Variants in LRRC40 observed in about 807,000 individuals in gnomAD.
The protein encoded by LRRC40 is leucine-rich repeat-containing protein 40.
LRRC40 carries 76 observed loss-of-function variants against 72.8 expected under a neutral mutation model. The ratio of observed to expected loss-of-function variants is 1.04; its 90% CI spans 0.87 to 1.26. The LOEUF (loss-of-function observed/expected upper bound fraction) is 1.26. LRRC40 is among the 50% of genes most tolerant of loss of function. The pLI is 0.00. For synonymous variants in LRRC40, 243 were observed against 254.2 expected, an observed-to-expected ratio of 0.96 and a Z score of 0.42; for missense variants, 684 against 698.9, an observed-to-expected ratio of 0.98 and a Z score of 0.24.
intron 12 of LRRC40, 123 bp from the exon 13 acceptor site, chr1:70,151,328 C>T: frequency 3.2e-6 from 2 of 618,278 alleles, no homozygotes; most frequent in Non-Finnish European, 5.8e-6. Flanking sequence ...CTTGATCTGA[C>T]TTTATAAAGG....
chr1:70,184,640 T>C, intron 4 of LRRC40, 145 bp downstream of exon 4: 1 of 754,784 alleles, frequency 1.3e-6, no homozygotes, highest in South Asian at 2.3e-5. Context: ...TTTAGCTATC[T>C]TATTGAAATG....
At chr1:70,148,446 A>G in intron 14 of LRRC40, 41 bp downstream of exon 14, 1 of 1,395,160 alleles carries the variant, frequency 7.2e-7, no homozygotes, top group Non-Finnish European at 9.7e-7. Context: ...TCAACAAATC[A>G]ATAAAATAAA....
chr1:70,156,612 G>T (rs1347637489), intron 10 of LRRC40, among the ~76,000 whole-genome samples: 2 of 152,268 alleles, frequency 1.3e-5, no homozygotes, highest in East Asian at 3.9e-4. Flanking sequence ...CCCCGGGGAT[G>T]CCAGAATCTT....
intron 1 of LRRC40, among the ~76,000 whole-genome samples, chr1:70,197,933 TG>T (rs769681636): frequency 1.1e-4 from 16 of 152,006 alleles, no homozygotes; most frequent in Non-Finnish European, 2.2e-4. Context: ...TACAAATTTT[TG>T]TATTTTTAGT....
At position 70,145,843 on chromosome 1, in the gene LRRC40, G is replaced by A. The variant is rs1290165227; in HGVS notation, c.1766C>T (p.Thr589Ile). The change falls in exon 15 of 15, where the codon ACA (threonine) becomes ATA (isoleucine). Residue 589 changes from threonine (T) to isoleucine (I), a missense_variant. By Grantham distance (89) the Thr-to-Ile change is moderately conservative. Coordinates refer to ENST00000370952, the MANE Select transcript of LRRC40 (RefSeq NM_017768.5). Reference protein sequence around the residue: ...VPRAAILMKGTAAILEYLRDR... With the variant: ...VPRAAILMKGIAAILEYLRDR... ...TCTCAAATATTCAAGTATAGCAGCT[G>A]TTCCTTTCATTAATATGGCTGCTCG... The A allele has an allele frequency of 3.7e-6, 6 of 1,610,560 alleles. No homozygotes were observed. The African/African-American group carries it at 6.7e-5, about 18-fold the overall frequency.
Position 70,181,227 on chromosome 1 carries a change from C to T in LRRC40, c.538-18G>A. 6.9e-7 allele frequency: 1 copy of T among 1,439,400 alleles called. No individual in the cohort carries two copies. The highest frequency in any genetic ancestry group is 9.3e-7 in the Non-Finnish European group (1 of 1,072,402). The allele number at this position is 1,439,400 out of a possible 1,614,324, so 89.2% of individuals were successfully genotyped here. A position where few individuals can be genotyped will look rare whatever the true frequency, so the allele number is the denominator to read the frequency against. On this transcript the variant is annotated intron_variant, in intron 4 of 14. Coordinates refer to ENST00000370952, the MANE Select transcript of LRRC40 (RefSeq NM_017768.5). ...GAAAGATCCTTTAAAAAGAGAAAGACAAAATAAATGAATAAACAAGTAAAA... is the reference window on the plus strand; with the variant it reads ...GAAAGATCCTTTAAAAAGAGAAAGATAAAATAAATGAATAAACAAGTAAAA...
intron 1 of LRRC40, among the ~76,000 whole-genome samples, chr1:70,193,581 G>C (rs1223958610): frequency 2.0e-5 from 3 of 151,926 alleles, no homozygotes; most frequent in Non-Finnish European, 2.9e-5. Context: ...AAAACATAGA[G>C]AAAAGAACAG....
chr1:70,178,935 A>T lies in LRRC40; in HGVS notation c.720T>A (p.Ala240=). Residue 240 remains alanine (A), a synonymous_variant, in exon 6 of 15, where the codon GCT becomes GCA. Coordinates refer to ENST00000370952, the MANE Select transcript of LRRC40 (RefSeq NM_017768.5). ...NLLETIPPEL[A]GMESLELLYL... Reference sequence around the variant, plus strand: ...AAAGCAATTCTAGTGATTCCATGCCAGCCAATTCAGGAGGTATAGTTTCCA... The same window carrying T: ...AAAGCAATTCTAGTGATTCCATGCCTGCCAATTCAGGAGGTATAGTTTCCA... 1.9e-6 allele frequency: 3 copies of T among 1,601,924 alleles called. No homozygotes were observed. In the South Asian group the frequency reaches 3.4e-5, roughly 18 times the overall value.
chr1:70,194,315 G>C (rs1668563046), intron 1 of LRRC40, among the ~76,000 whole-genome samples: 2 of 151,902 alleles, frequency 1.3e-5, no homozygotes, highest in African/African-American at 2.4e-5. Flanking sequence ...ATAAAAAAAT[G>C]TTTAAATGTT....
In LRRC40 at chr1:70,173,685, A is replaced by C. The variant is rs199538549; in HGVS notation, c.1002T>G (p.Leu334=). The change falls in exon 8 of 15, where the codon CTT becomes CTG. Residue 334 remains leucine (L), a synonymous_variant. Transcript: ENST00000370952. ...CTTCTAATGCCAAAAATTTCAAATG[A>C]AGGTTCCCCAATGAATAGGGAAGAC... is the stretch of plus-strand genomic sequence containing the variant. The part of the protein sequence containing the change: ...ISSLPYSLGN[L]HLKFLALEGN... 6.4e-7 allele frequency: 1 copy of C among 1,559,814 alleles called. No homozygotes were observed. Among genetic ancestry groups the C allele is most frequent in the African/African-American group, 1.4e-5 (1 of 73,522 alleles).
intron 1 of LRRC40, among the ~76,000 whole-genome samples, chr1:70,195,644 G>GT (rs548963792): frequency 4.6e-5 from 7 of 152,024 alleles, no homozygotes; most frequent in Non-Finnish European, 8.8e-5. Flanking sequence ...TACTTTTTGG[G>GT]TTTTTTTGAG....
chr1:70,168,684 G>A (rs1225496418), intron 9 of LRRC40, among the ~76,000 whole-genome samples: 1 of 152,180 alleles, frequency 6.6e-6, no homozygotes, highest in Non-Finnish European at 1.5e-5. Context: ...CTAGCTCACA[G>A]GAGAGAACCA....
At chr1:70,203,903 A>G (rs1264031464) in intron 1 of LRRC40, among the ~76,000 whole-genome samples, 1 of 152,182 alleles carries the variant, frequency 6.6e-6, no homozygotes, top group Non-Finnish European at 1.5e-5. Context: ...AGTAACAGGG[A>G]TTCCTTTTTT....
intron 1 of LRRC40, among the ~76,000 whole-genome samples, chr1:70,196,230 C>T (rs1462143918): frequency 1.3e-5 from 2 of 151,996 alleles, no homozygotes; most frequent in African/African-American, 4.8e-5. Flanking sequence ...GAATTGTATA[C>T]ACAAATGGAC....
intron 5 of LRRC40, among the ~76,000 whole-genome samples, chr1:70,180,773 A>G (rs954748963): frequency 6.6e-6 from 1 of 152,194 alleles, no homozygotes; most frequent in Non-Finnish European, 1.5e-5. Context: ...TTCACCAGTA[A>G]GAGGGGACTA....
At chr1:70,178,216 AGTTT>A (rs1668152559) in intron 6 of LRRC40, among the ~76,000 whole-genome samples, 1 of 152,152 alleles carries the variant, frequency 6.6e-6, no homozygotes, top group Non-Finnish European at 1.5e-5. Flanking sequence ...AACTGTAATC[AGTTT>A]GTTACCTAAC....
At chr1:70,160,720 T>TA (rs1667738001) in intron 9 of LRRC40, among the ~76,000 whole-genome samples, 1 of 152,092 alleles carries the variant, frequency 6.6e-6, no homozygotes, top group African/African-American at 2.4e-5. Context: ...TCAAGGAGAA[T>TA]ATAAGGAGAG....
In LRRC40 at chr1:70,183,653, G is replaced by A. The variant is rs140760420; in HGVS notation, c.537+1132C>T. Among the ~76,000 whole-genome samples, 90 of 151,992 alleles carry A rather than the reference G, an allele frequency of 5.9e-4. 1 individual carries two copies. The East Asian group carries it at 0.016, about 27-fold the overall frequency. ...TAAAGCCTCAGCCTCCCTGACTCAG[G>A]CAACTTCCCTGCCTCAGCCTTCTGA... On this transcript the variant is annotated intron_variant, in intron 4 of 14. Transcript: ENST00000370952.
At chr1:70,151,254 CAA>C (rs370117333) in intron 12 of LRRC40, 49 bp from the exon 13 acceptor site, 1 of 864,582 alleles carries the variant, frequency 1.2e-6, no homozygotes, top group Non-Finnish European at 1.9e-6. Context: ...AAAAATTTTA[CAA>C]GTTTAATTTA....
Sources: gnomAD v4.1 joint callset for allele counts (sites outside exome capture counted in the v4.1 genomes callset) on GRCh38, gnomAD v4.1.1 for gene constraint, MANE v1.5 for transcripts, NCBI Gene and HGNC (gene_info 2026-07-23, HGNC 2026-07-21) for gene names.